The following GNA14 variants were observed in gnomAD, a reference collection of about 807,000 sequenced individuals.
The protein encoded by GNA14 is G protein subunit alpha 14, also known as guanine nucleotide-binding protein subunit alpha-14.
GNA14 carries 50 observed loss-of-function variants against 42.0 expected under a neutral mutation model. That is an observed-to-expected ratio of 1.19 (90% confidence interval 0.95 to 1.51). GNA14 has a LOEUF of 1.51. Among genes scored for constraint, GNA14 ranks in the 40% most tolerant of loss-of-function variants. The pLI is 0.00. For synonymous variants in GNA14, 173 were observed against 163.1 expected, an observed-to-expected ratio of 1.06 and a Z score of -0.46; for missense variants, 473 against 446.2, an observed-to-expected ratio of 1.06 and a Z score of -0.54.
chr9:77,469,553 G>A (rs1836293781), intron 2 of GNA14, among the ~76,000 whole-genome samples: 1 of 151,574 alleles, frequency 6.6e-6, no homozygotes, highest in Admixed American at 6.6e-5. Flanking sequence ...AAAAAGTCTG[G>A]TTAAAGATTA....
chr9:77,495,412 T>C (rs1836854487), intron 2 of GNA14, among the ~76,000 whole-genome samples: 1 of 152,242 alleles, frequency 6.6e-6, no homozygotes, highest in Admixed American at 6.5e-5. Flanking sequence ...AGATAACATG[T>C]TGAATATGGG....
intron 1 of GNA14, among the ~76,000 whole-genome samples, chr9:77,600,534 GC>G (rs1823540656): frequency 6.6e-6 from 1 of 152,152 alleles, no homozygotes; most frequent in Non-Finnish European, 1.5e-5. Context: ...GTGTCACATG[GC>G]ACCCCGGCGT....
intron 1 of GNA14, among the ~76,000 whole-genome samples, chr9:77,618,608 A>T (rs1202647292): frequency 0.014 from 166 of 11,604 alleles, 8 homozygotes; most frequent in African/African-American, 0.045. Flanking sequence ...ATATATATAT[A>T]TATATATATA....
intron 2 of GNA14, among the ~76,000 whole-genome samples, chr9:77,443,568 C>T (rs926225010): frequency 6.6e-6 from 1 of 152,228 alleles, no homozygotes; most frequent in Non-Finnish European, 1.5e-5. Flanking sequence ...CTACAATCTT[C>T]GTCCTTCTCT....
At chr9:77,580,803 T>G (rs2117856724) in intron 1 of GNA14, among the ~76,000 whole-genome samples, 1 of 152,314 alleles carries the variant, frequency 6.6e-6, no homozygotes, top group South Asian at 2.1e-4. Flanking sequence ...GCTAGACTAG[T>G]TGCACCTGAT....
intron 1 of GNA14, among the ~76,000 whole-genome samples, chr9:77,606,842 G>A (rs1360496299): frequency 6.6e-6 from 1 of 152,162 alleles, no homozygotes; most frequent in Admixed American, 6.5e-5. Context: ...GAGGCCTTTG[G>A]GAGGTAATTA....
chr9:77,483,467 G>A (rs991224695), intron 2 of GNA14, among the ~76,000 whole-genome samples: 3 of 152,172 alleles, frequency 2.0e-5, no homozygotes, highest in African/African-American at 7.2e-5. Flanking sequence ...CGTGTGAGGT[G>A]TCAGTCTGCC....
intron 2 of GNA14, chr9:77,517,428 T>C (rs948727868): frequency 7.9e-5 from 12 of 151,520 alleles, no homozygotes; most frequent in African/African-American, 2.9e-4. Context: ...CATTAATTCA[T>C]TGTTTCAAAA....
chr9:77,509,102 T>A (rs1487429610), intron 2 of GNA14, among the ~76,000 whole-genome samples: 1 of 152,136 alleles, frequency 6.6e-6, no homozygotes, highest in Non-Finnish European at 1.5e-5. Context: ...GAACTCCCCA[T>A]TGGCCCCTCC....
At position 77,561,909 on chromosome 9, in the gene GNA14, T is replaced by C. The variant is rs551489886; in HGVS notation, c.125-32656A>G. On this transcript the variant is annotated intron_variant, in intron 1 of 6. Transcript: ENST00000341700. ...GGCCATCTAGTTTCTACCAGTCAAA[T>C]AAGGTATTAAAAACGGTCTTAGGAA... 6.6e-5 allele frequency among the ~76,000 whole-genome samples: 10 copies of C among 152,330 alleles called. No homozygotes were observed. The South Asian group carries it at 2.1e-3, about 32-fold the overall frequency.
chr9:77,514,913 C>T (rs1291297991), intron 2 of GNA14, among the ~76,000 whole-genome samples: 1 of 152,108 alleles, frequency 6.6e-6, no homozygotes, highest in Non-Finnish European at 1.5e-5. Context: ...GCGCCCAGCC[C>T]AGATTTCTTA....
intron 1 of GNA14, among the ~76,000 whole-genome samples, chr9:77,609,791 A>G (rs1823701806): frequency 6.6e-6 from 1 of 152,192 alleles, no homozygotes; most frequent in African/African-American, 2.4e-5. Flanking sequence ...CGCTTTGAAC[A>G]AATGTGATTT....
intron 1 of GNA14, among the ~76,000 whole-genome samples, chr9:77,615,958 T>C (rs918247252): frequency 1.8e-4 from 27 of 151,748 alleles, no homozygotes; most frequent in African/African-American, 6.5e-4. Flanking sequence ...TGCATTATGG[T>C]CACTGAAATA....
At chr9:77,478,211 T>C (rs1836469115) in intron 2 of GNA14, among the ~76,000 whole-genome samples, 1 of 148,922 alleles carries the variant, frequency 6.7e-6, no homozygotes, top group Non-Finnish European at 1.5e-5. Context: ...CGGAGTGTGA[T>C]GTTCCCCTTC....
At chr9:77,436,534 TC>T (rs1414294440) in intron 2 of GNA14, among the ~76,000 whole-genome samples, 1 of 152,158 alleles carries the variant, frequency 6.6e-6, no homozygotes, top group East Asian at 1.9e-4. Context: ...CGGACCCTAT[TC>T]TTGGCTGGCG....
At chr9:77,589,517 G>A (rs1189209632) in intron 1 of GNA14, among the ~76,000 whole-genome samples, 2 of 152,130 alleles carry the variant, frequency 1.3e-5, no homozygotes. Context: ...ATTCTCAAAA[G>A]CCATCGTATG....
At chr9:77,502,287 C>T (rs1836989032) in intron 2 of GNA14, among the ~76,000 whole-genome samples, 1 of 152,156 alleles carries the variant, frequency 6.6e-6, no homozygotes, top group African/African-American at 2.4e-5. Context: ...TGGCATATCT[C>T]GATTGTCCTT....
intron 1 of GNA14, among the ~76,000 whole-genome samples, chr9:77,603,064 T>G (rs1823593227): frequency 6.6e-6 from 1 of 152,194 alleles, no homozygotes; most frequent in African/African-American, 2.4e-5. Context: ...TCCAACAAAT[T>G]AGTGGCTCCC....
chr9:77,491,893 A>G (rs1227634416), intron 2 of GNA14, among the ~76,000 whole-genome samples: 1 of 152,240 alleles, frequency 6.6e-6, no homozygotes, highest in African/African-American at 2.4e-5. Context: ...AACATTTTCC[A>G]GAATAAACCA....
Sources: allele counts gnomAD v4.1 joint callset (sites outside exome capture counted in the v4.1 genomes callset), GRCh38; gene constraint gnomAD v4.1.1; transcripts MANE v1.5; gene names NCBI Gene and HGNC (gene_info 2026-07-23, HGNC 2026-07-21).